KAZN: variants seen among roughly 807,000 people sequenced by gnomAD.
KAZN encodes the protein kazrin, periplakin interacting protein.
In KAZN, 40 loss-of-function variants were observed where a neutral mutation model predicts 87.4. That is an observed-to-expected ratio of 0.46 (90% CI 0.36 to 0.60). KAZN has a LOEUF of 0.60. Ranked by LOEUF, KAZN falls within the 20% of genes least tolerant of loss-of-function variation. The pLI is 0.00. For missense variants in KAZN, 898 were observed against 1,073.9 expected, an observed-to-expected ratio of 0.84 and a Z score of 2.29; for synonymous variants, 466 against 458.3, an observed-to-expected ratio of 1.02 and a Z score of -0.22.
At chr1:14,785,442 C>T (rs1030845079) in intron 1 of KAZN, among the ~76,000 whole-genome samples, 4 of 152,066 alleles carry the variant, frequency 2.6e-5, no homozygotes, top group Non-Finnish European at 5.9e-5. Context: ...CCAAATCTTA[C>T]CCTGTGGACA....
intron 1 of KAZN, among the ~76,000 whole-genome samples, chr1:13,911,041 CTT>C (rs1639635413): frequency 6.6e-6 from 1 of 151,938 alleles, no homozygotes; most frequent in African/African-American, 2.4e-5. Flanking sequence ...ATGGCACACA[CTT>C]TTGTTTTGTT....
At position 15,056,656 on chromosome 1, in the gene KAZN, C is replaced by G. The variant is rs1394326695; in HGVS notation, c.916+376C>G. On this transcript the variant is annotated intron_variant, in intron 5 of 14. Transcript: ENST00000376030. This position sits in a 1 kb window ranked among gnomAD's most constrained non-coding sequence, Gnocchi z 5.4. The stretch of plus-strand genomic sequence containing the variant: ...TATCTCTTTCCCCCTGTGTCCATAG[C>G]AAATCCCAAAGAAAGACTCTGATTG... Among the ~76,000 whole-genome samples the G allele has an allele frequency of 6.6e-6, 1 of 152,210 alleles. No individual in the cohort carries two copies. Among genetic ancestry groups the G allele is most frequent in the Non-Finnish European group, 1.5e-5 (1 of 68,036 alleles).
At chr1:14,947,043 G>C (rs1357742771) in intron 1 of KAZN, among the ~76,000 whole-genome samples, 1 of 152,164 alleles carries the variant, frequency 6.6e-6, no homozygotes, top group Non-Finnish European at 1.5e-5. Flanking sequence ...GGAATGGGTG[G>C]AGAAGGAAAC....
At chr1:14,589,353 G>A (rs1026338365) in intron 2 of KAZN, among the ~76,000 whole-genome samples, 1 of 151,836 alleles carries the variant, frequency 6.6e-6, no homozygotes, top group Non-Finnish European at 1.5e-5. Flanking sequence ...AAAGGGAGGG[G>A]GGGCAGTCAA....
At chr1:14,317,730 T>A (rs559187063) in intron 2 of KAZN, among the ~76,000 whole-genome samples, 1 of 152,066 alleles carries the variant, frequency 6.6e-6, no homozygotes, top group Non-Finnish European at 1.5e-5. Context: ...TTCTTGGAAA[T>A]GGCAAATTTA....
chr1:15,006,564 T>G (rs1279092280), intron 2 of KAZN, among the ~76,000 whole-genome samples: 1 of 152,242 alleles, frequency 6.6e-6, no homozygotes, highest in African/African-American at 2.4e-5. Flanking sequence ...AATCACTCAT[T>G]CATGCCGCAC....
chr1:14,673,825 C>G (rs1640061659), intron 1 of KAZN, among the ~76,000 whole-genome samples: 1 of 152,182 alleles, frequency 6.6e-6, no homozygotes, highest in Non-Finnish European at 1.5e-5. Context: ...AGTCTTAACA[C>G]CTTAATGTTC....
chr1:14,537,521 C>A (rs1672571931), intron 2 of KAZN, among the ~76,000 whole-genome samples: 1 of 152,218 alleles, frequency 6.6e-6, no homozygotes. Flanking sequence ...GTTTCCTAAC[C>A]CATCAGGGAA....
chr1:14,589,779 TG>T (rs1311790973), intron 2 of KAZN, among the ~76,000 whole-genome samples: 1 of 152,128 alleles, frequency 6.6e-6, no homozygotes, highest in Non-Finnish European at 1.5e-5. Flanking sequence ...TGGCCTTGAA[TG>T]GGGGCTCACG....
intron 1 of KAZN, among the ~76,000 whole-genome samples, chr1:14,752,667 T>C (rs970462437): frequency 6.6e-6 from 1 of 152,182 alleles, no homozygotes; most frequent in Non-Finnish European, 1.5e-5. Flanking sequence ...AGACCCCTCA[T>C]GACTGAATCA....
At chr1:14,815,028 C>T (rs1646522599) in intron 1 of KAZN, among the ~76,000 whole-genome samples, 1 of 152,166 alleles carries the variant, frequency 6.6e-6, no homozygotes, top group African/African-American at 2.4e-5. Flanking sequence ...CTTCCACTCA[C>T]AGCAGGGCCT....
At chr1:14,354,535 A>C (rs1658830133) in intron 2 of KAZN, among the ~76,000 whole-genome samples, 1 of 152,186 alleles carries the variant, frequency 6.6e-6, no homozygotes, top group South Asian at 2.1e-4. Context: ...AAGACGTATA[A>C]ATGATAAAGA....
chr1:14,355,765 C>CT (rs1157520517), intron 2 of KAZN, among the ~76,000 whole-genome samples: 2 of 152,130 alleles, frequency 1.3e-5, no homozygotes, highest in African/African-American at 2.4e-5. Flanking sequence ...TGAACTCATC[C>CT]TTTTTTATAG....
intron 1 of KAZN, among the ~76,000 whole-genome samples, chr1:14,734,279 AG>A (rs1643817159): frequency 6.6e-6 from 1 of 150,894 alleles, no homozygotes; most frequent in African/African-American, 2.4e-5. Context: ...GGGTGGGGCC[AG>A]AGAGTCTGTG....
At chr1:14,253,028 C>T (rs940114358) in intron 2 of KAZN, among the ~76,000 whole-genome samples, 3 of 150,274 alleles carry the variant, frequency 2.0e-5, no homozygotes, top group African/African-American at 4.9e-5. Flanking sequence ...GTCTTTCCTT[C>T]GGAAAAAGTT....
chr1:14,157,006 G>GTAGTT (rs1173215576), intron 1 of KAZN, among the ~76,000 whole-genome samples: 1 of 145,826 alleles, frequency 6.9e-6, no homozygotes, highest in Non-Finnish European at 1.5e-5. Context: ...ATGTATCCTT[G>GTAGTT]TAGTTTTTTG....
intron 2 of KAZN, among the ~76,000 whole-genome samples, chr1:14,269,284 A>G (rs1283410955): frequency 6.6e-6 from 1 of 152,142 alleles, no homozygotes; most frequent in Non-Finnish European, 1.5e-5. Flanking sequence ...TGAATAGGAA[A>G]AAAGATGCCT....
At chr1:14,121,674 A>G (rs1469262635) in intron 1 of KAZN, among the ~76,000 whole-genome samples, 2 of 152,326 alleles carry the variant, frequency 1.3e-5, no homozygotes, top group Middle Eastern at 3.4e-3. Context: ...ATGCTTATGT[A>G]TGTGTGCGAA....
chr1:14,346,569 T>G (rs1658125586), intron 2 of KAZN, among the ~76,000 whole-genome samples: 1 of 152,096 alleles, frequency 6.6e-6, no homozygotes, highest in Non-Finnish European at 1.5e-5. Context: ...CTTCCTTGGG[T>G]TGAATTTTCT....
Sources: allele counts gnomAD v4.1 joint callset (sites outside exome capture counted in the v4.1 genomes callset), GRCh38; gene constraint gnomAD v4.1.1; non-coding constraint Gnocchi (gnomAD v3.1); transcripts MANE v1.5; gene names NCBI Gene and HGNC (gene_info 2026-07-23, HGNC 2026-07-21).